THOC2: variants seen among roughly 807,000 people sequenced by gnomAD.
THOC2 encodes the protein THO complex 2.
THOC2 carries 10 observed loss-of-function variants against 128.4 expected under a neutral mutation model. The ratio of observed to expected loss-of-function variants is 0.08; its 90% CI spans 0.05 to 0.13. The LOEUF (loss-of-function observed/expected upper bound fraction) is 0.13, where lower values mean the gene tolerates loss of function less well. Among genes scored for constraint, THOC2 ranks in the 10% least tolerant of loss-of-function variants. The pLI is 1.00. For missense variants in THOC2, 535 were observed against 1,155.7 expected (o/e 0.46, Z 7.79); for synonymous variants, 393 against 396.9 (o/e 0.99, Z 0.12).
chrX:123,726,836 C>T (rs1033619814), intron 1 of THOC2, among the ~76,000 whole-genome samples: 1 of 112,059 alleles, frequency 8.9e-6, no homozygotes, highest in African/African-American at 3.2e-5. Flanking sequence ...GCATATGGAA[C>T]CATTGAAAGG....
intron 30 of THOC2, 98 bp from the exon 31 acceptor site, chrX:123,621,685 A>C: frequency 6.0e-6 from 4 of 670,735 alleles, no homozygotes; most frequent in Non-Finnish European, 8.5e-6. Flanking sequence ...TACTAACTTC[A>C]AAAATACTAG....
intron 15 of THOC2, 66 bp downstream of exon 15, chrX:123,644,509 C>A: frequency 1.2e-6 from 1 of 851,637 alleles, no homozygotes; most frequent in Non-Finnish European, 1.6e-6. Flanking sequence ...AGACAAGCTA[C>A]CTGAAAGAAA....
Position 123,625,900 on chromosome X carries a change from A to G in THOC2, c.3057+12T>C, listed in dbSNP as rs777116006. 21 of 1,202,006 alleles carry G rather than the reference A, an allele frequency of 1.7e-5. No individual in the cohort carries two copies. The highest frequency in any genetic ancestry group is 3.0e-5 in the East Asian group (1 of 33,637). On this transcript the variant is annotated intron_variant, in intron 25 of 38. Transcript: ENST00000245838. ...GTGTGAGAACTTTTTAAAGGTTGCA[A>G]TAAAAACTTACTCGATCATAGCAAA...
At chrX:123,715,845 A>T (rs185850661) in intron 1 of THOC2, among the ~76,000 whole-genome samples, 81 of 110,410 alleles carry the variant, frequency 7.3e-4, no homozygotes, top group African/African-American at 2.4e-3. Context: ...AGTTTTTTTT[A>T]AAAAAAGATC....
At chrX:123,651,371 T>C (rs759598897) in intron 12 of THOC2, among the ~76,000 whole-genome samples, 2 of 111,730 alleles carry the variant, frequency 1.8e-5, no homozygotes, top group Non-Finnish European at 3.8e-5. Context: ...ATCGACATCC[T>C]AACATCACAA....
At chrX:123,704,714 C>T (rs1409236117) in intron 3 of THOC2, among the ~76,000 whole-genome samples, 9 of 110,757 alleles carry the variant, frequency 8.1e-5, no homozygotes, top group African/African-American at 2.3e-4. Flanking sequence ...AAAAATTAGC[C>T]GGGTGTGGTG....
At chrX:123,623,993 C>T in intron 27 of THOC2, 22 bp from the exon 28 acceptor site, 2 of 1,182,222 alleles carry the variant, frequency 1.7e-6, no homozygotes. Flanking sequence ...ATTTTCAGAT[C>T]CATTATTATA....
At chrX:123,686,222 C>T (rs1010398553) in intron 8 of THOC2, among the ~76,000 whole-genome samples, 2 of 110,762 alleles carry the variant, frequency 1.8e-5, no homozygotes, top group African/African-American at 3.3e-5. Context: ...TCACATTGTT[C>T]GTTACTCATG....
chrX:123,665,552 A>C (rs1363039598), intron 12 of THOC2, 90 bp downstream of exon 12: 10 of 619,593 alleles, frequency 1.6e-5, no homozygotes, highest in Non-Finnish European at 2.3e-5. Flanking sequence ...AATGAGGTTC[A>C]TATTTTTATT....
At chrX:123,652,647 C>T (rs2048408914) in intron 12 of THOC2, among the ~76,000 whole-genome samples, 1 of 111,397 alleles carries the variant, frequency 9.0e-6, no homozygotes, top group African/African-American at 3.3e-5. Context: ...AATAGAGAGC[C>T]AAATCATGAG....
chrX:123,702,156 C>T (rs965564947), intron 4 of THOC2, among the ~76,000 whole-genome samples: 10 of 111,252 alleles, frequency 9.0e-5, no homozygotes, highest in Non-Finnish European at 1.5e-4. Flanking sequence ...GAATATTGGC[C>T]GGGTGCGGTG....
intron 1 of THOC2, among the ~76,000 whole-genome samples, chrX:123,717,236 G>C (rs1315503956): frequency 9.0e-6 from 1 of 110,707 alleles, no homozygotes; most frequent in African/African-American, 3.3e-5. Flanking sequence ...TATCCATCAA[G>C]GCAAAAAAAT....
At chrX:123,628,904 T>C (rs897337497) in intron 22 of THOC2, among the ~76,000 whole-genome samples, 4 of 109,674 alleles carry the variant, frequency 3.6e-5, no homozygotes, top group Non-Finnish European at 3.8e-5. Flanking sequence ...GTTACTCTAC[T>C]GCTAAGCCAA....
chrX:123,726,761 A>T (rs1273226304), intron 1 of THOC2, among the ~76,000 whole-genome samples: 1 of 112,286 alleles, frequency 8.9e-6, no homozygotes, highest in South Asian at 3.7e-4. Context: ...AAACATGTTC[A>T]TTAGGACACA....
chrX:123,701,770 A>G (rs886491805), intron 4 of THOC2, among the ~76,000 whole-genome samples: 2 of 111,483 alleles, frequency 1.8e-5, no homozygotes, highest in Admixed American at 9.6e-5. Context: ...GCTTACATCA[A>G]TCCAACAGAT....
At chrX:123,613,923 A>G in intron 34 of THOC2, 129 bp downstream of exon 34, 1 of 777,377 alleles carries the variant, frequency 1.3e-6, no homozygotes, top group South Asian at 2.7e-5. Context: ...ACTTCAGGGT[A>G]AAAATATCAA....
chrX:123,611,423 C>T lies in THOC2; in HGVS notation c.4754+17G>A, dbSNP rs775160829. The T allele has an allele frequency of 1.7e-6, 2 of 1,164,643 alleles. No individual in the cohort carries two copies. The highest frequency in any genetic ancestry group is 4.5e-5 in the Admixed American group (2 of 44,686). ...TTTCTACTACACTAACTGAAAACATCAAAATGAAAAGGATATTGTTTCTTC... is the reference window on the plus strand; with the variant it reads ...TTTCTACTACACTAACTGAAAACATTAAAATGAAAAGGATATTGTTTCTTC... On this transcript the variant is annotated intron_variant, in intron 37 of 38. Coordinates refer to ENST00000245838, the MANE Select transcript of THOC2 (RefSeq NM_001081550.2).
Position 123,613,381 on chromosome X carries a change from T to C in THOC2, c.4677+18A>G, listed in dbSNP as rs781252842. The C allele has an allele frequency of 3.4e-6, 4 of 1,189,538 alleles. No individual in the cohort carries two copies. The East Asian group carries it at 1.2e-4, about 35-fold the overall frequency. On this transcript the variant is annotated intron_variant, in intron 36 of 38. Coordinates refer to ENST00000245838, the MANE Select transcript of THOC2 (RefSeq NM_001081550.2). The stretch of plus-strand genomic sequence containing the variant: ...TTTTTAAGATAAAGCATATTATTCC[T>C]TTATTTTCCTAATTTACCTTTTTGC...
At chrX:123,603,621 A>G (rs2046363396) in intron 38 of THOC2, 2 of 590,472 alleles carry the variant, frequency 3.4e-6, no homozygotes, top group South Asian at 5.0e-5. Context: ...TTCTGACTTA[A>G]AGCAGATTCC....
Sources: gnomAD v4.1 joint callset for allele counts (sites outside exome capture counted in the v4.1 genomes callset) on GRCh38, gnomAD v4.1.1 for gene constraint, MANE v1.5 for transcripts, NCBI Gene and HGNC (gene_info 2026-07-23, HGNC 2026-07-21) for gene names.